KIF1B: variants seen among roughly 807,000 people sequenced by gnomAD.
The protein encoded by KIF1B is kinesin-like protein KIF1B.
A neutral mutation model predicts 241.9 loss-of-function variants in KIF1B; 76 were observed. That is an observed-to-expected ratio of 0.31 (90% confidence interval 0.26 to 0.38). The LOEUF is 0.38. KIF1B is among the 10% of genes least tolerant of loss of function. The probability of loss-of-function intolerance (pLI) is 1.00; values close to 1 mark genes in which losing one functional copy is unlikely to be tolerated. For synonymous variants in KIF1B, 750 were observed against 796.7 expected (o/e 0.94, Z 0.99); for missense variants, 1,622 against 2,271.4 (o/e 0.71, Z 5.81).
chr1:10,315,171 C>CTTTT lies in KIF1B; in HGVS notation c.2116-4849_2116-4846dup, dbSNP rs765236286. Among the ~76,000 whole-genome samples the CTTTT allele has an allele frequency of 3.0e-4, 24 of 80,038 alleles. 1 individual carries two copies. The highest frequency in any genetic ancestry group is 6.8e-4 in the African/African-American group (13 of 19,118). 52.5% of individuals were successfully genotyped at this position (80,038 alleles called of 152,430 possible). On this transcript the variant is annotated intron_variant, in intron 22 of 48. Coordinates refer to ENST00000676179, the MANE Select transcript of KIF1B (RefSeq NM_001365951.3). ...CTTATCTCTTAAAATCAAGAATATTCTTTTTTTTTTTTTTTTTTTTTTTTT... is the reference window on the plus strand; with the variant it reads ...CTTATCTCTTAAAATCAAGAATATTCTTTTTTTTTTTTTTTTTTTTTTTTTTTTT...
intron 2 of KIF1B, among the ~76,000 whole-genome samples, chr1:10,250,642 T>C (rs1647384871): frequency 6.6e-6 from 1 of 152,148 alleles, no homozygotes; most frequent in Admixed American, 6.6e-5. Flanking sequence ...CTAGGCAACA[T>C]GGCAAAGCCC....
At chr1:10,323,587 A>C (rs1651607003) in intron 24 of KIF1B, among the ~76,000 whole-genome samples, 2 of 152,132 alleles carry the variant, frequency 1.3e-5, no homozygotes, top group Admixed American at 1.3e-4. Context: ...GCATCACTGC[A>C]CCCAGCCTGG....
In KIF1B at chr1:10,215,284, C is replaced by T. The variant is rs1302039283; in HGVS notation, c.-80+4406C>T. Among the ~76,000 whole-genome samples the T allele has an allele frequency of 6.8e-5, 10 of 147,700 alleles. No individual in the cohort carries two copies. The East Asian group carries it at 1.4e-3, about 21-fold the overall frequency. On this transcript the variant is annotated intron_variant, in intron 1 of 48. Transcript: ENST00000676179. ...CTCCACCTCCCAGGTTCAAGCGGTT[C>T]TCCTGCCTCAGCCTCCCTAGTAGCT...
intron 1 of KIF1B, among the ~76,000 whole-genome samples, chr1:10,229,201 T>C (rs901412120): frequency 2.0e-5 from 3 of 152,130 alleles, no homozygotes; most frequent in African/African-American, 7.2e-5. Flanking sequence ...ATCATAAAAA[T>C]ATTTGATATT....
At chr1:10,314,181 C>G (rs1237197290) in intron 22 of KIF1B, among the ~76,000 whole-genome samples, 2 of 151,362 alleles carry the variant, frequency 1.3e-5, no homozygotes, top group African/African-American at 4.9e-5. Context: ...CGCGTCCAGC[C>G]AAAATATATT....
At chr1:10,302,583 GC>G (rs1170396758) in intron 22 of KIF1B, among the ~76,000 whole-genome samples, 4 of 152,072 alleles carry the variant, frequency 2.6e-5, no homozygotes, top group African/African-American at 9.7e-5. Context: ...TTTTAGTAAA[GC>G]TAAACAAAAC....
intron 40 of KIF1B, among the ~76,000 whole-genome samples, chr1:10,362,628 GTTGA>G (rs780073365): frequency 6.6e-6 from 1 of 151,792 alleles, no homozygotes; most frequent in Non-Finnish European, 1.5e-5. Flanking sequence ...CCCAGAAGTT[GTTGA>G]TTATCATTTC....
In KIF1B at chr1:10,378,263, C is replaced by T. The variant is rs1638938482; in HGVS notation, c.*1676C>T. 2 of 715,368 alleles carry T rather than the reference C, an allele frequency of 2.8e-6. No individual in the cohort carries two copies. The highest frequency in any genetic ancestry group is 3.5e-5 in the African/African-American group (2 of 57,170). 44.3% of individuals were successfully genotyped at this position (715,368 alleles called of 1,614,324 possible). A position where few individuals can be genotyped will look rare whatever the true frequency, so the allele number is the denominator to read the frequency against. On this transcript the variant is annotated 3_prime_UTR_variant, in exon 49 of 49. Coordinates refer to ENST00000676179, the MANE Select transcript of KIF1B (RefSeq NM_001365951.3). ...GCTTTGTTGCGTGTTCCCTGCTCCT[C>T]TCCATCTGGTGTGGAAACACTGCCC...
At chr1:10,235,166 A>G (rs1647034681) in intron 2 of KIF1B, among the ~76,000 whole-genome samples, 1 of 151,940 alleles carries the variant, frequency 6.6e-6, no homozygotes, top group Non-Finnish European at 1.5e-5. Context: ...CTGGGATTAC[A>G]GGCGTGATCC....
intron 28 of KIF1B, among the ~76,000 whole-genome samples, chr1:10,335,490 TG>T (rs1409959270): frequency 6.6e-6 from 1 of 152,168 alleles, no homozygotes; most frequent in Non-Finnish European, 1.5e-5. Context: ...TGACCTCAGA[TG>T]ATCTGCCCAC....
chr1:10,306,510 C>A, intron 22 of KIF1B: 1 of 803,280 alleles, frequency 1.2e-6, no homozygotes, highest in Non-Finnish European at 1.6e-6. Flanking sequence ...ACTTAGGAGG[C>A]TGAAGCAGGA....
At chr1:10,270,627 C>T (rs1268088905) in intron 7 of KIF1B, among the ~76,000 whole-genome samples, 1 of 152,000 alleles carries the variant, frequency 6.6e-6, no homozygotes, top group Non-Finnish European at 1.5e-5. Context: ...TATTGTAGCT[C>T]CTTAAGAAAT....
intron 26 of KIF1B, among the ~76,000 whole-genome samples, chr1:10,325,392 A>G (rs1016914995): frequency 1.3e-5 from 2 of 152,100 alleles, no homozygotes; most frequent in Non-Finnish European, 2.9e-5. Flanking sequence ...TAATGAAAAC[A>G]CATAGTGCCT....
chr1:10,222,306 G>A (rs1646855757), intron 1 of KIF1B, among the ~76,000 whole-genome samples: 1 of 152,184 alleles, frequency 6.6e-6, no homozygotes, highest in Non-Finnish European at 1.5e-5. Context: ...CATGTGTATA[G>A]TGTAGGAAGG....
chr1:10,236,348 T>G (rs1213213305), intron 2 of KIF1B, among the ~76,000 whole-genome samples: 1 of 152,126 alleles, frequency 6.6e-6, no homozygotes, highest in African/African-American at 2.4e-5. Flanking sequence ...GAATTGTAGC[T>G]TATTACAGCT....
chr1:10,297,441 T>C (rs868104974), intron 22 of KIF1B, among the ~76,000 whole-genome samples, 195 bp downstream of exon 22: 1 of 152,350 alleles, frequency 6.6e-6, no homozygotes, highest in South Asian at 2.1e-4. Flanking sequence ...ACAGAGGTAC[T>C]CTTTTGGGCT....
intron 27 of KIF1B, among the ~76,000 whole-genome samples, chr1:10,334,105 C>A (rs1450011002): frequency 6.9e-6 from 1 of 144,368 alleles, no homozygotes; most frequent in Non-Finnish European, 1.5e-5. Context: ...GAGCTGAGAT[C>A]GTGCCACTGT....
chr1:10,345,971 A>C lies in KIF1B; in HGVS notation c.3797+18A>C. 2 of 1,507,354 alleles carry C rather than the reference A, an allele frequency of 1.3e-6. No homozygotes were observed. Among genetic ancestry groups the C allele is most frequent in the African/African-American group, 1.4e-5 (1 of 72,888 alleles). The allele number at this position is 1,507,354 out of a possible 1,614,324, so 93.4% of individuals were successfully genotyped here. A position where few individuals can be genotyped will look rare whatever the true frequency, so the allele number is the denominator to read the frequency against. ...ACAGGAGAGTAAGTCCAACTTAATA[A>C]ATTTTTAAATAAGGCAAAATGTTTC... On this transcript the variant is annotated intron_variant, in intron 35 of 48. Coordinates refer to ENST00000676179, the MANE Select transcript of KIF1B (RefSeq NM_001365951.3).
intron 2 of KIF1B, among the ~76,000 whole-genome samples, chr1:10,240,836 T>C (rs2102148411): frequency 6.6e-6 from 1 of 151,342 alleles, no homozygotes; most frequent in African/African-American, 2.4e-5. Flanking sequence ...AATGCTGGTA[T>C]TACAAGTGTG....
Sources: gnomAD v4.1 joint callset for allele counts (sites outside exome capture counted in the v4.1 genomes callset) on GRCh38, gnomAD v4.1.1 for gene constraint, MANE v1.5 for transcripts, NCBI Gene and HGNC (gene_info 2026-07-23, HGNC 2026-07-21) for gene names.